The following RAD51B variants were observed in gnomAD, a reference collection of about 807,000 sequenced individuals.
RAD51B encodes the protein DNA repair protein RAD51 homolog 2.
A neutral mutation model predicts 42.2 loss-of-function variants in RAD51B; 38 were observed. The ratio of observed to expected loss-of-function variants is 0.90; its 90% confidence interval spans 0.70 to 1.18. The LOEUF is 1.18. Ranked by LOEUF, RAD51B falls within the 50% of genes most tolerant of loss-of-function variation. The pLI is 0.00. For synonymous variants in RAD51B, 154 were observed against 145.2 expected, an observed-to-expected ratio of 1.06 and a Z score of -0.43; for missense variants, 373 against 400.7, an observed-to-expected ratio of 0.93 and a Z score of 0.59.
chr14:68,068,650 T>C (rs926264149), intron 7 of RAD51B, among the ~76,000 whole-genome samples: 1 of 152,178 alleles, frequency 6.6e-6, no homozygotes, highest in Non-Finnish European at 1.5e-5. Context: ...ACTTCCTAGG[T>C]CATATGTTAA....
chr14:68,522,571 G>T (rs999251452), intron 10 of RAD51B, among the ~76,000 whole-genome samples: 5 of 152,186 alleles, frequency 3.3e-5, no homozygotes, highest in African/African-American at 9.7e-5. Context: ...AGAGCCATCT[G>T]ATTTCAAGCA....
intron 8 of RAD51B, among the ~76,000 whole-genome samples, chr14:68,303,702 T>G (rs1450440948): frequency 1.3e-5 from 2 of 152,172 alleles, no homozygotes; most frequent in Non-Finnish European, 1.5e-5. Flanking sequence ...CCAGGTCTGG[T>G]TCTAGCTTCC....
At chr14:68,104,055 G>A (rs1659988946) in intron 7 of RAD51B, among the ~76,000 whole-genome samples, 2 of 152,184 alleles carry the variant, frequency 1.3e-5, no homozygotes, top group Admixed American at 1.3e-4. Context: ...TGTGACACAA[G>A]TACTGTTTAT....
intron 7 of RAD51B, among the ~76,000 whole-genome samples, chr14:68,116,346 T>TA (rs59572940): frequency 1.3e-3 from 178 of 135,276 alleles, no homozygotes; most frequent in East Asian, 4.2e-3. Context: ...TTTAAAAGGT[T>TA]AAAAAAAAAA....
At chr14:68,432,572 A>C (rs1406608343) in intron 9 of RAD51B, among the ~76,000 whole-genome samples, 2 of 151,384 alleles carry the variant, frequency 1.3e-5, no homozygotes, top group African/African-American at 4.9e-5. Flanking sequence ...TAGGATTGCA[A>C]CTCCTGCCTT....
intron 7 of RAD51B, among the ~76,000 whole-genome samples, chr14:68,060,205 A>G (rs1457631169): frequency 6.6e-6 from 1 of 152,232 alleles, no homozygotes; most frequent in Non-Finnish European, 1.5e-5. Flanking sequence ...ATGCCAGATT[A>G]TATGTATGCA....
At chr14:68,537,249 A>G (rs2525522) in intron 10 of RAD51B, among the ~76,000 whole-genome samples, 31,211 of 152,016 alleles carry the variant, frequency 0.21, 3,720 homozygotes, top group South Asian at 0.3. Context: ...CTGTAATCCC[A>G]GCATTTTGGG....
chr14:68,485,399 A>G (rs1185163807), intron 10 of RAD51B, among the ~76,000 whole-genome samples: 1 of 152,238 alleles, frequency 6.6e-6, no homozygotes, highest in African/African-American at 2.4e-5. Flanking sequence ...TTAAGAATAT[A>G]CAGAAGATTA....
intron 10 of RAD51B, among the ~76,000 whole-genome samples, chr14:68,556,331 G>A (rs1190785272): frequency 6.6e-6 from 1 of 152,080 alleles, no homozygotes; most frequent in Non-Finnish European, 1.5e-5. Context: ...TCCTTCCCAG[G>A]GCCTTGCTCA....
At chr14:68,507,560 A>T (rs10132579) in intron 10 of RAD51B, among the ~76,000 whole-genome samples, 1 of 151,942 alleles carries the variant, frequency 6.6e-6, no homozygotes, top group African/African-American at 2.4e-5. Flanking sequence ...CATTCTGCAC[A>T]CCTCAATATG....
chr14:67,865,741 T>G lies in RAD51B; in HGVS notation c.452+602T>G, dbSNP rs554333449. On this transcript the variant is annotated intron_variant, in intron 5 of 10. Transcript: ENST00000471583. ...TTTTAGTAGAGACAGTGTTTCACCT[T>G]ATTGGCCAGACTGCTCTTGAACTCC... is the stretch of plus-strand genomic sequence containing the variant. Among the ~76,000 whole-genome samples, 4 of 151,588 alleles carry G rather than the reference T, an allele frequency of 2.6e-5. 1 individual carries two copies. In the South Asian group the frequency reaches 8.3e-4, roughly 32 times the overall value.
At chr14:67,838,044 G>C (rs148713818) in intron 4 of RAD51B, among the ~76,000 whole-genome samples, 2 of 152,102 alleles carry the variant, frequency 1.3e-5, no homozygotes, top group African/African-American at 4.8e-5. Context: ...AACATGCAAG[G>C]TTTGTCTTTC....
rs778136542 is a variant in RAD51B, at chr14:68,331,367, C to CAA, written c.853+39404_853+39405dup. Among the ~76,000 whole-genome samples the CAA allele has an allele frequency of 4.6e-3, 153 of 32,914 alleles. 18 individuals carry two copies. The highest frequency in any genetic ancestry group is 7.0e-3 in the African/African-American group (90 of 12,854). 21.6% of individuals were successfully genotyped at this position (32,914 alleles called of 152,430 possible). ...TGGGCTACAGAACGAGACTCTGTCT[C>CAA]AAAAAAAAAAAAAAAAAAGCAATGG... On this transcript the variant is annotated intron_variant, in intron 8 of 10. Coordinates refer to ENST00000471583, the MANE Select transcript of RAD51B (RefSeq NM_133510.4).
At chr14:68,136,215 A>T (rs2078006085) in intron 7 of RAD51B, among the ~76,000 whole-genome samples, 1 of 152,156 alleles carries the variant, frequency 6.6e-6, no homozygotes, top group South Asian at 2.1e-4. Context: ...TTTTTAGTTA[A>T]ATTATTTGCT....
intron 10 of RAD51B, chr14:68,561,962 G>A: frequency 2.0e-6 from 2 of 985,392 alleles, no homozygotes; most frequent in Non-Finnish European, 2.4e-6. Flanking sequence ...GGTCCTTGTG[G>A]CAGCAATGTA....
intron 7 of RAD51B, among the ~76,000 whole-genome samples, chr14:68,258,313 A>G (rs1251763430): frequency 6.6e-6 from 1 of 151,924 alleles, no homozygotes; most frequent in African/African-American, 2.4e-5. Context: ...AGGCGGGAGG[A>G]TCGCTTGAGC....
chr14:68,665,954 A>G (rs1893025379), intron 11 of RAD51B, among the ~76,000 whole-genome samples: 1 of 152,218 alleles, frequency 6.6e-6, no homozygotes, highest in Non-Finnish European at 1.5e-5. Flanking sequence ...TGGTTTAGGA[A>G]TGGACATCTG....
intron 10 of RAD51B, among the ~76,000 whole-genome samples, chr14:68,578,643 G>C (rs1187573719): frequency 2.0e-5 from 3 of 152,158 alleles, no homozygotes; most frequent in Non-Finnish European, 2.9e-5. Context: ...CACAGGCAAA[G>C]GGCCCTTATA....
chr14:68,113,663 CAAAT>C (rs372605623), intron 7 of RAD51B: 1 of 152,016 alleles, frequency 6.6e-6, no homozygotes, highest in Non-Finnish European at 1.5e-5. Context: ...TTTCAGGAAA[CAAAT>C]AAGTTTTTTT....
Sources: allele counts gnomAD v4.1 joint callset (sites outside exome capture counted in the v4.1 genomes callset), GRCh38; gene constraint gnomAD v4.1.1; transcripts MANE v1.5; gene names NCBI Gene and HGNC (gene_info 2026-07-23, HGNC 2026-07-21).